TCAIM: variants seen among roughly 807,000 people sequenced by gnomAD.
TCAIM encodes the protein T-cell activation inhibitor, mitochondrial.
TCAIM carries 36 observed loss-of-function variants against 58.6 expected under a neutral mutation model. The ratio of observed to expected loss-of-function variants is 0.61; its 90% CI spans 0.47 to 0.81. The LOEUF (loss-of-function observed/expected upper bound fraction) is 0.81. Ranked by LOEUF, TCAIM falls within the 30% of genes least tolerant of loss-of-function variation. The pLI is 0.00. For missense variants in TCAIM, 466 were observed against 579.6 expected (o/e 0.80, Z 2.01); for synonymous variants, 172 against 193.6 (o/e 0.89, Z 0.93).
At chr3:44,384,754 A>G (rs565251791) in intron 5 of TCAIM, among the ~76,000 whole-genome samples, 35 of 152,324 alleles carry the variant, frequency 2.3e-4, no homozygotes, top group Middle Eastern at 3.4e-3. Context: ...GGATCTTTCT[A>G]CCACCAGTTT....
chr3:44,366,565 AC>A (rs1415751753), intron 4 of TCAIM, among the ~76,000 whole-genome samples: 1 of 146,298 alleles, frequency 6.8e-6, no homozygotes, highest in Non-Finnish European at 1.5e-5. Flanking sequence ...TCCCGGGTTC[AC>A]GCCATTCTCC....
rs1451272229 is a variant in TCAIM, at chr3:44,377,376, A to G, written c.572+9668A>G. Among the ~76,000 whole-genome samples the G allele has an allele frequency of 3.9e-5, 6 of 152,236 alleles. No homozygotes were observed. The East Asian group carries it at 1.2e-3, about 29-fold the overall frequency. On this transcript the variant is annotated intron_variant, in intron 5 of 10. Coordinates refer to ENST00000342649, the MANE Select transcript of TCAIM (RefSeq NM_173826.4). ...ACCTGATCATCAAAATATATGAAGC[A>G]AAAGTGGACTGAATTGAAGAGAGAA...
At chr3:44,393,601 T>C (rs1376199045) in intron 6 of TCAIM, among the ~76,000 whole-genome samples, 1 of 152,102 alleles carries the variant, frequency 6.6e-6, no homozygotes, top group Non-Finnish European at 1.5e-5. Flanking sequence ...ACACATAATA[T>C]ATAAAAAATA....
At chr3:44,339,713 C>G (rs531659883) in intron 1 of TCAIM, 2 of 152,190 alleles carry the variant, frequency 1.3e-5, no homozygotes, top group Non-Finnish European at 2.9e-5. Context: ...TTAGAGAAGA[C>G]CTTCCTGAGC....
intron 9 of TCAIM, chr3:44,400,956 C>T: frequency 1.9e-6 from 1 of 515,850 alleles, no homozygotes; most frequent in Non-Finnish European, 3.4e-6. Context: ...CTCACAACCT[C>T]ACTGTGCAGC....
chr3:44,402,048 A>G (rs1280764680), intron 10 of TCAIM, among the ~76,000 whole-genome samples: 1 of 152,136 alleles, frequency 6.6e-6, no homozygotes, highest in Non-Finnish European at 1.5e-5. Flanking sequence ...AAACGTTTTA[A>G]CTATTGATAT....
intron 8 of TCAIM, among the ~76,000 whole-genome samples, chr3:44,398,035 TA>T (rs2125655148): frequency 6.9e-6 from 1 of 144,964 alleles, no homozygotes; most frequent in South Asian, 2.2e-4. Context: ...AAAAAACAAC[TA>T]AAAAGGGCTA....
intron 1 of TCAIM, among the ~76,000 whole-genome samples, chr3:44,354,417 C>T (rs1246472860): frequency 3.3e-5 from 5 of 152,130 alleles, no homozygotes; most frequent in African/African-American, 1.2e-4. Flanking sequence ...TCTTTATAAA[C>T]TTTAGAATCC....
chr3:44,381,595 A>G (rs1701656037), intron 5 of TCAIM, among the ~76,000 whole-genome samples: 1 of 152,118 alleles, frequency 6.6e-6, no homozygotes, highest in Admixed American at 6.5e-5. Flanking sequence ...GCCTACTTTC[A>G]CCACTTCTAT....
In TCAIM at chr3:44,407,685, C is replaced by T. The variant is rs75500505; in HGVS notation, c.*3C>T. 0.011 allele frequency: 16,488 copies of T among 1,569,064 alleles called. 109 individuals are homozygous for T. Among genetic ancestry groups the T allele is most frequent in the Non-Finnish European group, 0.013 (14,783 of 1,163,484 alleles). ...AGAATGGAGAAGCCATTAAGTAACACAGAAATCTGTTTTATTTTTTTAAGA... is the reference window on the plus strand; with the variant it reads ...AGAATGGAGAAGCCATTAAGTAACATAGAAATCTGTTTTATTTTTTTAAGA... On this transcript the variant is annotated 3_prime_UTR_variant, in exon 11 of 11. Coordinates refer to ENST00000342649, the MANE Select transcript of TCAIM (RefSeq NM_173826.4).
At chr3:44,344,023 C>CT (rs5848695) in intron 1 of TCAIM, among the ~76,000 whole-genome samples, 41,676 of 118,320 alleles carry the variant, frequency 0.35, 7,715 homozygotes, top group African/African-American at 0.46. Flanking sequence ...GATGGAAATG[C>CT]TTTTTTTTTT....
intron 8 of TCAIM, among the ~76,000 whole-genome samples, chr3:44,398,256 T>C (rs1701965446): frequency 1.3e-5 from 2 of 152,032 alleles, no homozygotes; most frequent in East Asian, 3.9e-4. Context: ...AAACGCCGTC[T>C]CTACTAAAAA....
intron 1 of TCAIM, among the ~76,000 whole-genome samples, chr3:44,352,098 T>G (rs573399720): frequency 6.1e-5 from 9 of 148,744 alleles, no homozygotes; most frequent in African/African-American, 2.2e-4. Flanking sequence ...TATATATATA[T>G]ATATTATATA....
intron 10 of TCAIM, among the ~76,000 whole-genome samples, chr3:44,402,723 A>G (rs1235542401): frequency 6.6e-6 from 1 of 152,126 alleles, no homozygotes; most frequent in East Asian, 1.9e-4. Context: ...GAGCACAGTC[A>G]AGTGGGAAGA....
chr3:44,369,498 T>C (rs1375650797), intron 5 of TCAIM, among the ~76,000 whole-genome samples: 1 of 152,210 alleles, frequency 6.6e-6, no homozygotes, highest in African/African-American at 2.4e-5. Flanking sequence ...GAGCTGGATG[T>C]GCAGCCATCA....
chr3:44,364,619 G>A (rs1219325262), intron 4 of TCAIM, among the ~76,000 whole-genome samples: 3 of 151,858 alleles, frequency 2.0e-5, no homozygotes, highest in South Asian at 2.1e-4. Context: ...GCATGTGCCT[G>A]TAGTCCCCGC....
chr3:44,393,018 A>G lies in TCAIM; in HGVS notation c.695+41A>G, dbSNP rs772022527. On this transcript the variant is annotated intron_variant, in intron 6 of 10. Transcript: ENST00000342649. ...GAACCTAATTTAGAAATTGAAATGA[A>G]TATGAATTACCAACTGATAAGCTTT... 43 of 1,570,822 alleles carry G rather than the reference A, an allele frequency of 2.7e-5. 1 individual carries two copies. The South Asian group carries it at 4.4e-4, about 16-fold the overall frequency.
At chr3:44,390,822 A>G (rs983635449) in intron 5 of TCAIM, among the ~76,000 whole-genome samples, 2 of 152,074 alleles carry the variant, frequency 1.3e-5, no homozygotes, top group Non-Finnish European at 2.9e-5. Flanking sequence ...AAATAATAAG[A>G]AGAAAGGGAA....
chr3:44,364,781 G>A (rs1471291174), intron 4 of TCAIM, among the ~76,000 whole-genome samples: 1 of 151,456 alleles, frequency 6.6e-6, no homozygotes, highest in Non-Finnish European at 1.5e-5. Context: ...CTCAGTATTC[G>A]AACGCAAACT....
Sources: gnomAD v4.1 joint callset for allele counts (sites outside exome capture counted in the v4.1 genomes callset) on GRCh38, gnomAD v4.1.1 for gene constraint, MANE v1.5 for transcripts, NCBI Gene and HGNC (gene_info 2026-07-23, HGNC 2026-07-21) for gene names.